Variants in CFI observed in about 807,000 individuals in gnomAD.
The protein encoded by CFI is C3B/C4B inactivator.
In CFI, 66 loss-of-function variants were observed where a neutral mutation model predicts 78.8. The observed-to-expected ratio is 0.84, with a 90% CI of 0.69 to 1.03. CFI has a LOEUF of 1.03. CFI is among the 50% of genes least tolerant of loss of function. CFI has a pLI of 0.00. For missense variants in CFI, 706 were observed against 704.5 expected (o/e 1.00, Z -0.02); for synonymous variants, 250 against 232.6 (o/e 1.07, Z -0.68).
Position 109,760,395 on chromosome 4 carries a change from G to A in CFI, c.773-15C>T. On this transcript the variant is annotated splice_polypyrimidine_tract_variant and intron_variant, in intron 5 of 12. Coordinates refer to ENST00000394634, the MANE Select transcript of CFI (RefSeq NM_000204.5). ...GCCTTGGCATGCTGTGCAAACATAAGCAGGAGAGGTTTTTTTCATTCCTTA... is the reference window on the plus strand; with the variant it reads ...GCCTTGGCATGCTGTGCAAACATAAACAGGAGAGGTTTTTTTCATTCCTTA... 1 of 1,600,790 alleles carries A rather than the reference G, an allele frequency of 6.2e-7. No homozygotes were observed.
intron 7 of CFI, among the ~76,000 whole-genome samples, chr4:109,756,697 T>TAA (rs1726195328): frequency 6.6e-6 from 1 of 151,082 alleles, no homozygotes; most frequent in South Asian, 2.1e-4. Flanking sequence ...CCATCTCCAC[T>TAA]AAAAATACAA....
intron 1 of CFI, among the ~76,000 whole-genome samples, chr4:109,771,668 C>T (rs1371216589): frequency 2.2e-5 from 3 of 135,802 alleles, no homozygotes; most frequent in Non-Finnish European, 3.0e-5. Context: ...GAGCCGAGAT[C>T]GCACCAGTGC....
chr4:109,788,090 A>C (rs1278537515), intron 1 of CFI, among the ~76,000 whole-genome samples: 2 of 152,064 alleles, frequency 1.3e-5, no homozygotes, highest in African/African-American at 2.4e-5. Flanking sequence ...ACATCAGTGC[A>C]TTTGTAACTA....
chr4:109,753,499 AT>A lies in CFI; in HGVS notation c.905-997del, dbSNP rs1372770451. 1.0e-4 allele frequency among the ~76,000 whole-genome samples: 2 copies of A among 19,776 alleles called. 1 individual carries two copies. The highest frequency in any genetic ancestry group is 2.8e-4 in the African/African-American group (2 of 7,186). 13.0% of individuals were successfully genotyped at this position (19,776 alleles called of 152,430 possible). ...TAAATATTTATAATAAATATTTATA[AT>A]ATATTTATTATATAAATAAATATTT... On this transcript the variant is annotated intron_variant, in intron 7 of 12. Coordinates refer to ENST00000394634, the MANE Select transcript of CFI (RefSeq NM_000204.5).
At chr4:109,741,765 A>G (rs1723821798) in intron 12 of CFI, 1 of 155,556 alleles carries the variant, frequency 6.4e-6, no homozygotes, top group African/African-American at 2.4e-5. Context: ...AATCACTGTA[A>G]CCAGTAAGTT....
At chr4:109,756,893 GAAAGAAA>G (rs1561297459) in intron 7 of CFI, among the ~76,000 whole-genome samples, 18 of 13,776 alleles carry the variant, frequency 1.3e-3, no homozygotes, top group Non-Finnish European at 2.5e-3. Context: ...AGAAAGGAAA[GAAAGAAA>G]GAAAGAAAGA....
intron 7 of CFI, among the ~76,000 whole-genome samples, chr4:109,756,913 GAAAGAAAGAAAGAAA>G (rs1561297640): frequency 2.9e-5 from 3 of 101,940 alleles, no homozygotes; most frequent in Non-Finnish European, 6.2e-5. Flanking sequence ...AAGAAAGAAA[GAAAGAAAGAAAGAAA>G]GAAAGAAAGA....
At chr4:109,757,325 C>T (rs1726448967) in intron 7 of CFI, among the ~76,000 whole-genome samples, 1 of 152,084 alleles carries the variant, frequency 6.6e-6, no homozygotes, top group Non-Finnish European at 1.5e-5. Flanking sequence ...TAAGCCACCG[C>T]GCCCGGCAGT....
intron 1 of CFI, among the ~76,000 whole-genome samples, chr4:109,769,766 G>C (rs1231151661): frequency 1.3e-5 from 2 of 152,146 alleles, no homozygotes; most frequent in African/African-American, 4.8e-5. Flanking sequence ...TCTTGGGCAG[G>C]AGTCCTGTTT....
rs750346105 is a variant in CFI, at chr4:109,783,811, T to TAATA, written c.58-16988_58-16987insTATT. 3.6e-4 allele frequency among the ~76,000 whole-genome samples: 38 copies of TAATA among 105,822 alleles called. 4 individuals are homozygous for TAATA. Among genetic ancestry groups the TAATA allele is most frequent in the African/African-American group, 1.4e-3 (36 of 26,550 alleles). 69.4% of individuals were successfully genotyped at this position (105,822 alleles called of 152,430 possible). The stretch of plus-strand genomic sequence containing the variant: ...ATTCAATGAGTGGATAAAGAAACTG[T>TAATA]GATATATATATATATATATATATGA... On this transcript the variant is annotated intron_variant, in intron 1 of 12. Coordinates refer to ENST00000394634, the MANE Select transcript of CFI (RefSeq NM_000204.5).
intron 1 of CFI, among the ~76,000 whole-genome samples, chr4:109,799,056 G>C (rs1219531631): frequency 1.3e-5 from 2 of 152,058 alleles, no homozygotes; most frequent in Non-Finnish European, 2.9e-5. Flanking sequence ...AACCACCAGA[G>C]GTGCAGGCTC....
downstream of CFI, among the ~76,000 whole-genome samples, chr4:109,737,871 C>T (rs1199290186): frequency 6.6e-6 from 1 of 152,212 alleles, no homozygotes; most frequent in African/African-American, 2.4e-5. Context: ...GACCTCTAAA[C>T]TAGGAGAAGC....
chr4:109,770,908 C>A lies in CFI; in HGVS notation c.58-4084G>T, dbSNP rs376218378. 1.1e-3 allele frequency among the ~76,000 whole-genome samples: 160 copies of A among 152,272 alleles called. 1 individual carries two copies. Among genetic ancestry groups the A allele is most frequent in the African/African-American group, 3.8e-3 (157 of 41,550 alleles). Reference sequence around the variant, plus strand: ...GTACCTCTGAAGAAGGAGTGGCTAACAAACAGGGAACTGGTTGAAAGAGAT... The same window carrying A: ...GTACCTCTGAAGAAGGAGTGGCTAAAAAACAGGGAACTGGTTGAAAGAGAT... On this transcript the variant is annotated intron_variant, in intron 1 of 12. Transcript: ENST00000394634.
chr4:109,747,744 G>A (rs28619233), intron 10 of CFI, among the ~76,000 whole-genome samples: 1,654 of 152,174 alleles, frequency 0.011, 21 homozygotes, highest in African/African-American at 0.038. Context: ...TTGGCACCAG[G>A]GACAGGTTTT....
intron 1 of CFI, among the ~76,000 whole-genome samples, chr4:109,772,580 C>T (rs145204726): frequency 3.1e-5 from 4 of 131,014 alleles, no homozygotes; most frequent in East Asian, 4.4e-4. Flanking sequence ...TGAATTTGAT[C>T]GTTTTTTTTT....
At chr4:109,743,220 T>C (rs886487418) in intron 11 of CFI, among the ~76,000 whole-genome samples, 5 of 152,304 alleles carry the variant, frequency 3.3e-5, no homozygotes, top group Admixed American at 6.5e-5. Flanking sequence ...ATTTTTTTTT[T>C]CCTTTAAGCT....
chr4:109,748,161 G>T (rs528623061), intron 10 of CFI, among the ~76,000 whole-genome samples: 9 of 152,300 alleles, frequency 5.9e-5, no homozygotes, highest in Non-Finnish European at 1.2e-4. Context: ...ATAATGAGAT[G>T]TTCAGGAAGC....
In CFI at chr4:109,745,247, A is replaced by G. The variant is rs193216644; in HGVS notation, c.1429+975T>C. Among the ~76,000 whole-genome samples the G allele has an allele frequency of 3.3e-5, 5 of 152,282 alleles. 1 individual carries two copies. The South Asian group carries it at 6.2e-4, about 19-fold the overall frequency. On this transcript the variant is annotated intron_variant, in intron 11 of 12. Transcript: ENST00000394634. ...ACTCAGGCTAGACTGCAGTAGCACA[A>G]TCATGGCTCACTGCAACCTCAACCT... is the stretch of plus-strand genomic sequence containing the variant.
At chr4:109,765,597 C>T (rs557778392) in intron 2 of CFI, among the ~76,000 whole-genome samples, 2 of 152,236 alleles carry the variant, frequency 1.3e-5, no homozygotes, top group South Asian at 2.1e-4. Flanking sequence ...GGACTGACAG[C>T]GAAATCCCTA....
Sources: allele counts gnomAD v4.1 joint callset (sites outside exome capture counted in the v4.1 genomes callset), GRCh38; gene constraint gnomAD v4.1.1; transcripts MANE v1.5; gene names NCBI Gene and HGNC (gene_info 2026-07-23, HGNC 2026-07-21).